MKRN2: variants seen among roughly 807,000 people sequenced by gnomAD.
The protein encoded by MKRN2 is E3 ubiquitin-protein ligase makorin-2.
A neutral mutation model predicts 45.4 loss-of-function variants in MKRN2; 32 were observed. That is an observed-to-expected ratio of 0.70 (90% CI 0.53 to 0.95). The LOEUF (loss-of-function observed/expected upper bound fraction) is 0.95, where lower values mean the gene tolerates loss of function less well. MKRN2 is among the 40% of genes least tolerant of loss of function. The pLI is 0.00. For synonymous variants in MKRN2, 206 were observed against 192.4 expected (o/e 1.07, Z -0.59); for missense variants, 526 against 536.7 (o/e 0.98, Z 0.20).
intron 6 of MKRN2, among the ~76,000 whole-genome samples, chr3:12,580,455 C>A (rs3773342): frequency 6.7e-6 from 1 of 149,606 alleles, no homozygotes; most frequent in East Asian, 2.0e-4. Context: ...CCTACCCCCC[C>A]GCCACCACCC....
chr3:12,568,967 A>G lies in MKRN2; in HGVS notation c.119A>G (p.Tyr40Cys). Residue 40 changes from tyrosine (Y) to cysteine (C), a missense_variant, in exon 2 of 8, where the codon TAC becomes TGC. Tyr to Cys is a radical substitution (Grantham distance 194). Transcript: ENST00000170447. ...AAACCGTCCACCATCTGCAAGTACTACCAGAAGGGCTACTGTGCCTATGGA... is the reference window on the plus strand; with the variant it reads ...AAACCGTCCACCATCTGCAAGTACTGCCAGAAGGGCTACTGTGCCTATGGA... ...NSKPSTICKY[Y>C]QKGYCAYGTR... 1 of 1,614,166 alleles carries G rather than the reference A, an allele frequency of 6.2e-7. No homozygotes were observed. The highest frequency in any genetic ancestry group is 8.5e-7 in the Non-Finnish European group (1 of 1,180,030).
intron 6 of MKRN2, among the ~76,000 whole-genome samples, chr3:12,580,537 C>T (rs1413651448): frequency 1.3e-5 from 2 of 151,822 alleles, no homozygotes; most frequent in African/African-American, 4.8e-5. Flanking sequence ...ACTGCAGCCT[C>T]CACCTCCTGG....
At chr3:12,558,263 C>T (rs921705835) in intron 1 of MKRN2, among the ~76,000 whole-genome samples, 1 of 152,180 alleles carries the variant, frequency 6.6e-6, no homozygotes, top group East Asian at 1.9e-4. Context: ...TTATGTTAAG[C>T]TGTTGTCAGA....
intron 1 of MKRN2, among the ~76,000 whole-genome samples, chr3:12,566,475 A>G (rs1341364767): frequency 6.6e-6 from 1 of 151,172 alleles, no homozygotes; most frequent in Non-Finnish European, 1.5e-5. Context: ...TCTCTCTCAG[A>G]TGGTTTCTAT....
intron 1 of MKRN2, among the ~76,000 whole-genome samples, chr3:12,568,073 A>C (rs1286059827): frequency 6.6e-6 from 1 of 152,254 alleles, no homozygotes; most frequent in Non-Finnish European, 1.5e-5. Context: ...TACGGTGTTC[A>C]ATAAATTGCA....
chr3:12,582,532 G>T lies in MKRN2; in HGVS notation c.*279G>T. The stretch of plus-strand genomic sequence containing the variant: ...GTAACAACTAACAAACACCCAAACT[G>T]TTTGGATTGATTGCTTTAAAAAACA... On this transcript the variant is annotated 3_prime_UTR_variant, in exon 8 of 8. Coordinates refer to ENST00000170447, the MANE Select transcript of MKRN2 (RefSeq NM_014160.5). The T allele has an allele frequency of 3.1e-6, 1 of 325,980 alleles. No homozygotes were observed. The highest frequency in any genetic ancestry group is 5.7e-6 in the Non-Finnish European group (1 of 176,688). 20.2% of individuals were successfully genotyped at this position (325,980 alleles called of 1,614,324 possible).
At chr3:12,557,972 T>A (rs1226445427) in intron 1 of MKRN2, among the ~76,000 whole-genome samples, 1 of 152,248 alleles carries the variant, frequency 6.6e-6, no homozygotes, top group African/African-American at 2.4e-5. Flanking sequence ...CCTCATTGCT[T>A]GGTCAGCTTG....
At position 12,568,929 on chromosome 3, in the gene MKRN2, C is replaced by T; in HGVS notation, c.81C>T (p.Asp27=). 3 of 1,614,152 alleles carry T rather than the reference C, an allele frequency of 1.9e-6. No individual in the cohort carries two copies. Among genetic ancestry groups the T allele is most frequent in the Non-Finnish European group, 2.5e-6 (3 of 1,180,026 alleles). ...REGSQCLFSH[D]LANSKPSTIC... Reference sequence around the variant, plus strand: ...GAAGTCAGTGCCTATTCTCACATGACTTGGCAAACAGCAAACCGTCCACCA... The same window carrying T: ...GAAGTCAGTGCCTATTCTCACATGATTTGGCAAACAGCAAACCGTCCACCA... The change falls in exon 2 of 8, where the codon GAC becomes GAT. Residue 27 remains aspartate, a synonymous_variant. Coordinates refer to ENST00000170447, the MANE Select transcript of MKRN2 (RefSeq NM_014160.5).
chr3:12,579,026 G>A lies in MKRN2; in HGVS notation c.968+2285G>A, dbSNP rs139232449. Reference sequence around the variant, plus strand: ...AAGGGGCTCTGCTGAAAAGCAGTCTGGAGATTGTTATTGCTATTTGGATCT... The same window carrying A: ...AAGGGGCTCTGCTGAAAAGCAGTCTAGAGATTGTTATTGCTATTTGGATCT... On this transcript the variant is annotated intron_variant, in intron 6 of 7. Coordinates refer to ENST00000170447, the MANE Select transcript of MKRN2 (RefSeq NM_014160.5). Among the ~76,000 whole-genome samples, 122 of 152,218 alleles carry A rather than the reference G, an allele frequency of 8.0e-4. 1 individual carries two copies. The East Asian group carries it at 0.021, about 27-fold the overall frequency.
intron 5 of MKRN2, among the ~76,000 whole-genome samples, chr3:12,575,970 T>G (rs2125306421): frequency 6.6e-6 from 1 of 152,342 alleles, no homozygotes; most frequent in Non-Finnish European, 1.5e-5. Context: ...TGAATAATGC[T>G]GCTGTCAACA....
In MKRN2 at chr3:12,565,218, C is replaced by T. The variant is rs142636437; in HGVS notation, c.27-3657C>T. Among the ~76,000 whole-genome samples the T allele has an allele frequency of 1.3e-3, 205 of 152,284 alleles. 1 individual carries two copies. The highest frequency in any genetic ancestry group is 4.7e-3 in the African/African-American group (197 of 41,568). ...CTGTCAAACTGTCTTCCAAACTCAG[C>T]CTCCTTTAGTTACATGGCACTTATA... On this transcript the variant is annotated intron_variant, in intron 1 of 7. Transcript: ENST00000170447.
chr3:12,557,311 T>C, intron 1 of MKRN2, 135 bp downstream of exon 1: 1 of 1,252,804 alleles, frequency 8.0e-7, no homozygotes, highest in South Asian at 1.6e-5. Context: ...GCGGCGGGGC[T>C]TTGCGAGGCA....
At chr3:12,581,696 T>A in intron 6 of MKRN2, 112 bp from the exon 7 acceptor site, 2 of 1,227,502 alleles carry the variant, frequency 1.6e-6, no homozygotes, top group Non-Finnish European at 1.2e-6. Flanking sequence ...ACCTAGAATG[T>A]GAGGCTGACC....
At chr3:12,565,461 GT>G (rs1390523827) in intron 1 of MKRN2, among the ~76,000 whole-genome samples, 1 of 139,614 alleles carries the variant, frequency 7.2e-6, no homozygotes, top group African/African-American at 2.6e-5. Flanking sequence ...ACATATTTAA[GT>G]TTTTTCCAAG....
At chr3:12,569,168 CT>C (rs796210183) in intron 2 of MKRN2, among the ~76,000 whole-genome samples, 165 bp downstream of exon 2, 50 of 146,310 alleles carry the variant, frequency 3.4e-4, no homozygotes, top group Non-Finnish European at 2.7e-4. Context: ...ATTTTCTTTT[CT>C]TTTTTTTTTT....
Position 12,565,524 on chromosome 3 carries a change from C to CTTTTT in MKRN2, c.27-3328_27-3324dup, listed in dbSNP as rs10598451. Among the ~76,000 whole-genome samples the CTTTTT allele has an allele frequency of 7.6e-5, 7 of 91,996 alleles. 1 individual carries two copies. The highest frequency in any genetic ancestry group is 1.5e-4 in the Admixed American group (1 of 6,658). The allele number at this position is 91,996 out of a possible 152,430, so 60.4% of individuals were successfully genotyped here. ...TGAAAAGATTCTTTCCCCAACTTAC[C>CTTTTT]TTTTTTTTTTTTTTTTTTTTTTTTT... On this transcript the variant is annotated intron_variant, in intron 1 of 7. Coordinates refer to ENST00000170447, the MANE Select transcript of MKRN2 (RefSeq NM_014160.5).
chr3:12,580,612 C>T (rs2058171221), intron 6 of MKRN2, among the ~76,000 whole-genome samples: 1 of 152,198 alleles, frequency 6.6e-6, no homozygotes, highest in South Asian at 2.1e-4. Flanking sequence ...GTGCCAGCCA[C>T]CACACCCAGC....
chr3:12,575,453 G>A (rs2058127108), intron 5 of MKRN2, among the ~76,000 whole-genome samples: 1 of 152,184 alleles, frequency 6.6e-6, no homozygotes, highest in South Asian at 2.1e-4. Flanking sequence ...TGGCACATGG[G>A]ATGTGCTCAA....
chr3:12,569,284 C>A (rs887755050), intron 2 of MKRN2, among the ~76,000 whole-genome samples: 55 of 151,424 alleles, frequency 3.6e-4, no homozygotes, highest in African/African-American at 1.3e-3. Flanking sequence ...TCCCAAGTAG[C>A]TGAGATTACA....
Sources: gnomAD v4.1 joint callset for allele counts (sites outside exome capture counted in the v4.1 genomes callset) on GRCh38, gnomAD v4.1.1 for gene constraint, MANE v1.5 for transcripts, NCBI Gene and HGNC (gene_info 2026-07-23, HGNC 2026-07-21) for gene names.